The following SLC41A3 variants were observed in gnomAD, a reference collection of about 807,000 sequenced individuals.
SLC41A3 encodes solute carrier family 41 member 3.
Under a neutral mutation model 45.4 loss-of-function variants are expected in SLC41A3, and 44 were observed. The ratio of observed to expected loss-of-function variants is 0.97; its 90% CI spans 0.76 to 1.25. SLC41A3 has a LOEUF of 1.25. Among genes scored for constraint, SLC41A3 ranks in the 50% most tolerant of loss-of-function variants. SLC41A3 has a pLI of 0.00. For missense variants in SLC41A3, 550 were observed against 600.6 expected (o/e 0.92, Z 0.88); for synonymous variants, 256 against 252.4 (o/e 1.01, Z -0.13).
rs375781784 is a variant in SLC41A3 at position 126,026,406 on chromosome 3, A to G, written c.527T>C (p.Val176Ala). Reference protein sequence around the residue: ...LLLGVVSREEVDVAKVELLCA... With the variant: ...LLLGVVSREEADVAKVELLCA... Reference sequence around the variant, plus strand: ...CAGCAACTCCACCTTGGCGACATCCACTTCCTCTCGAGACACCACGCCCAA... The same window carrying G: ...CAGCAACTCCACCTTGGCGACATCCGCTTCCTCTCGAGACACCACGCCCAA... Residue 176 changes from valine to alanine, a missense_variant, in exon 5 of 11, where the codon GTG (valine) becomes GCG (alanine). Transcript: ENST00000360370. The surrounding 1 kb of genome is among the most constrained non-coding windows in gnomAD (Gnocchi z 4.2). 5.6e-6 allele frequency: 9 copies of G among 1,593,332 alleles called. No individual in the cohort carries two copies. Among genetic ancestry groups the G allele is most frequent in the South Asian group, 1.1e-5 (1 of 87,634 alleles).
intron 4 of SLC41A3, among the ~76,000 whole-genome samples, chr3:126,030,073 A>G (rs1941680491): frequency 6.8e-6 from 1 of 147,088 alleles, no homozygotes; most frequent in Non-Finnish European, 1.5e-5. Flanking sequence ...CTATTTCAAA[A>G]AATAAAATAA....
chr3:126,090,570 G>T (rs1239720543), intron 1 of SLC41A3, among the ~76,000 whole-genome samples: 1 of 152,006 alleles, frequency 6.6e-6, no homozygotes, highest in African/African-American at 2.4e-5. Flanking sequence ...AATTGAATAG[G>T]CTCCTTTTTC....
At chr3:126,032,384 C>T (rs575488377) in intron 4 of SLC41A3, among the ~76,000 whole-genome samples, 2 of 152,202 alleles carry the variant, frequency 1.3e-5, no homozygotes, top group Non-Finnish European at 2.9e-5. Flanking sequence ...AGCCTCAAAG[C>T]GACTGCATGC....
intron 4 of SLC41A3, among the ~76,000 whole-genome samples, chr3:126,031,799 G>C (rs778848143): frequency 6.6e-6 from 1 of 152,134 alleles, no homozygotes; most frequent in Non-Finnish European, 1.5e-5. Flanking sequence ...ACTTGTAGTC[G>C]AGGCATTTAT....
At chr3:126,052,108 G>A (rs1943374013) in intron 2 of SLC41A3, among the ~76,000 whole-genome samples, 1 of 152,188 alleles carries the variant, frequency 6.6e-6, no homozygotes, top group Non-Finnish European at 1.5e-5. Context: ...CTACCAGGCT[G>A]TGGAATTCAG....
intron 2 of SLC41A3, among the ~76,000 whole-genome samples, chr3:126,060,603 C>A (rs1215288600): frequency 1.3e-5 from 2 of 152,190 alleles, no homozygotes; most frequent in Non-Finnish European, 2.9e-5. Flanking sequence ...AAATAAAAAA[C>A]TATCAAAAGC....
intron 2 of SLC41A3, among the ~76,000 whole-genome samples, chr3:126,051,951 G>A (rs1391902699): frequency 7.9e-5 from 12 of 152,090 alleles, no homozygotes. Flanking sequence ...CCAGCCCCTA[G>A]GGACTTGGAC....
intron 9 of SLC41A3, among the ~76,000 whole-genome samples, chr3:126,011,270 T>C (rs768347913): frequency 2.6e-5 from 4 of 152,012 alleles, no homozygotes; most frequent in Non-Finnish European, 5.9e-5. Context: ...CAAATGGAAA[T>C]GTTAAAACTA....
intron 2 of SLC41A3, among the ~76,000 whole-genome samples, chr3:126,066,103 T>C (rs1221322297): frequency 1.3e-5 from 2 of 152,234 alleles, no homozygotes; most frequent in African/African-American, 4.8e-5. Flanking sequence ...CTTCTATGAC[T>C]AGTTTACAGA....
intron 10 of SLC41A3, 29 bp downstream of exon 10, chr3:126,008,703 G>A (rs997477289): frequency 1.5e-5 from 24 of 1,610,264 alleles, no homozygotes; most frequent in East Asian, 6.7e-5. Context: ...ACACAGCTGC[G>A]CACCTCTAAT....
At chr3:126,013,001 C>T (rs1001947578) in intron 8 of SLC41A3, among the ~76,000 whole-genome samples, 10 of 152,034 alleles carry the variant, frequency 6.6e-5, no homozygotes, top group South Asian at 2.1e-4. Flanking sequence ...GAGGGGAGTG[C>T]GGCTGTAAAG....
At position 126,055,665 on chromosome 3, in the gene SLC41A3, A is replaced by G. The variant is rs564553338; in HGVS notation, c.274-4615T>C. ...CTTGGGTGTATTTTCCAATTTTTCTAAACTGACTCTACGAAATGTTTCAGT... is the reference window on the plus strand; with the variant it reads ...CTTGGGTGTATTTTCCAATTTTTCTGAACTGACTCTACGAAATGTTTCAGT... On this transcript the variant is annotated intron_variant, in intron 2 of 10. Transcript: ENST00000360370. 9.2e-5 allele frequency among the ~76,000 whole-genome samples: 14 copies of G among 152,318 alleles called. No individual in the cohort carries two copies. In the East Asian group the frequency reaches 2.5e-3, roughly 27 times the overall value.
At chr3:126,015,072 G>C (rs370094929) in intron 8 of SLC41A3, among the ~76,000 whole-genome samples, 3 of 152,300 alleles carry the variant, frequency 2.0e-5, no homozygotes, top group South Asian at 2.1e-4. Flanking sequence ...ATTTTTAAGT[G>C]TAAATATCTG....
intron 3 of SLC41A3, among the ~76,000 whole-genome samples, chr3:126,036,612 C>A (rs567239849): frequency 5.3e-5 from 8 of 152,182 alleles, no homozygotes; most frequent in Admixed American, 5.2e-4. Flanking sequence ...TGCTTCGCTG[C>A]CTCTTCTTGG....
intron 2 of SLC41A3, among the ~76,000 whole-genome samples, chr3:126,051,256 C>T (rs149680565): frequency 1.4e-4 from 22 of 152,366 alleles, no homozygotes; most frequent in African/African-American, 2.6e-4. Flanking sequence ...TCAGTATCAG[C>T]GGCCGTAAGC....
Position 126,006,911 on chromosome 3 carries a change from G to C in SLC41A3, c.*105C>G, listed in dbSNP as rs1939160186. ...AGACTCACAAAAGGCTACTGCAGAGGCAGGGGTCAACCATCCCAAGGACCT... is the reference window on the plus strand; with the variant it reads ...AGACTCACAAAAGGCTACTGCAGAGCCAGGGGTCAACCATCCCAAGGACCT... On this transcript the variant is annotated 3_prime_UTR_variant, in exon 11 of 11. Transcript: ENST00000360370. 1 of 1,563,552 alleles carries C rather than the reference G, an allele frequency of 6.4e-7. No individual in the cohort carries two copies. The highest frequency in any genetic ancestry group is 1.4e-5 in the African/African-American group (1 of 73,886).
At chr3:126,056,432 A>G (rs1410886227) in intron 2 of SLC41A3, 1 of 1,614,230 alleles carries the variant, frequency 6.2e-7, no homozygotes, top group Non-Finnish European at 8.5e-7. Context: ...ACGACCTGGC[A>G]CATGATGGTG....
intron 1 of SLC41A3, among the ~76,000 whole-genome samples, chr3:126,080,058 A>G (rs950559297): frequency 6.6e-6 from 1 of 152,208 alleles, no homozygotes; most frequent in African/African-American, 2.4e-5. Flanking sequence ...TCACTATATT[A>G]AAAAATCACA....
chr3:126,018,637 A>C (rs1037475078), intron 6 of SLC41A3, among the ~76,000 whole-genome samples: 3 of 152,212 alleles, frequency 2.0e-5, no homozygotes, highest in African/African-American at 7.2e-5. Flanking sequence ...GGGGAGTGAT[A>C]AACTGCAGCT....
Sources: gnomAD v4.1 joint callset for allele counts (sites outside exome capture counted in the v4.1 genomes callset) on GRCh38, gnomAD v4.1.1 for gene constraint, Gnocchi (gnomAD v3.1) non-coding constraint, MANE v1.5 for transcripts, NCBI Gene and HGNC (gene_info 2026-07-23, HGNC 2026-07-21) for gene names.